CEP250: variants seen among roughly 807,000 people sequenced by gnomAD.
CEP250 encodes centrosomal protein 250.
Under a neutral mutation model 315.7 loss-of-function variants are expected in CEP250, and 242 were observed. The ratio of observed to expected loss-of-function variants is 0.77; its 90% confidence interval spans 0.69 to 0.85. The LOEUF (loss-of-function observed/expected upper bound fraction) is 0.85, where lower values mean the gene tolerates loss of function less well. Among genes scored for constraint, CEP250 ranks in the 40% least tolerant of loss-of-function variants. The pLI is 0.00. For missense variants in CEP250, 2,515 were observed against 2,886.4 expected (o/e 0.87, Z 2.95); for synonymous variants, 1,088 against 1,175.0 (o/e 0.93, Z 1.51).
chr20:35,485,064 TAAAAA>T, intron 20 of CEP250, among the ~76,000 whole-genome samples: 1 of 129,226 alleles, frequency 7.7e-6, no homozygotes, highest in African/African-American at 2.9e-5. Context: ...CCTATCTCTT[TAAAAA>T]AAAAAAAAAA....
At chr20:35,474,583 G>A (rs192941226) in intron 14 of CEP250, among the ~76,000 whole-genome samples, 1 of 152,190 alleles carries the variant, frequency 6.6e-6, no homozygotes, top group Non-Finnish European at 1.5e-5. Context: ...GCTGGCTAAA[G>A]GGTAAGACTT....
At chr20:35,479,523 A>T in intron 18 of CEP250, 99 bp downstream of exon 18, 1 of 1,542,656 alleles carries the variant, frequency 6.5e-7, no homozygotes, top group Non-Finnish European at 8.7e-7. Flanking sequence ...TCCTAAATTG[A>T]TTATGAATTT....
chr20:35,507,898 T>C (rs2064236599), intron 31 of CEP250, 47 bp downstream of exon 31: 2 of 1,601,036 alleles, frequency 1.2e-6, no homozygotes, highest in African/African-American at 2.7e-5. Flanking sequence ...AGGGAGCTCC[T>C]GTCCAGGGGT....
upstream of CEP250, chr20:35,455,214 G>C (rs542094904): frequency 1.3e-5 from 2 of 152,448 alleles, no homozygotes; most frequent in South Asian, 4.1e-4. Context: ...GCAACTAGCC[G>C]GGCGTCTGCG....
chr20:35,483,467 C>T (rs985840628), intron 20 of CEP250, among the ~76,000 whole-genome samples: 19 of 151,858 alleles, frequency 1.3e-4, no homozygotes, highest in African/African-American at 4.4e-4. Context: ...AGTCCTCCTG[C>T]CGCAGCCTCC....
At chr20:35,463,026 A>G (rs1407960876) in intron 4 of CEP250, among the ~76,000 whole-genome samples, 2 of 152,252 alleles carry the variant, frequency 1.3e-5, no homozygotes, top group Non-Finnish European at 2.9e-5. Flanking sequence ...CCTCTGTGAT[A>G]TAAAAGGCAT....
chr20:35,490,912 A>G (rs2063670079), intron 21 of CEP250, 108 bp downstream of exon 21: 2 of 1,331,834 alleles, frequency 1.5e-6, no homozygotes, highest in African/African-American at 2.9e-5. Context: ...CTTCCAGAAG[A>G]GAGGGTAGCT....
Position 35,512,962 on chromosome 20 carries a change from G to T in CEP250, c.*1336G>T. ...AGCCTGGGGATGGAACTGAGACCTA[G>T]CCAAGAATCTGGGAGGGGTAAGAGC... On this transcript the variant is annotated 3_prime_UTR_variant, in exon 35 of 35. Coordinates refer to ENST00000397527, the MANE Select transcript of CEP250 (RefSeq NM_007186.6). 1 of 152,402 alleles carries T rather than the reference G, an allele frequency of 6.6e-6. No individual in the cohort carries two copies. Among genetic ancestry groups the T allele is most frequent in the Non-Finnish European group, 1.5e-5 (1 of 68,116 alleles). 9.4% of individuals were successfully genotyped at this position (152,402 alleles called of 1,614,324 possible). A position where few individuals can be genotyped will look rare whatever the true frequency, so the allele number is the denominator to read the frequency against.
chr20:35,488,861 G>A (rs1232445539), intron 20 of CEP250, among the ~76,000 whole-genome samples: 4 of 152,142 alleles, frequency 2.6e-5, no homozygotes, highest in East Asian at 3.9e-4. Context: ...GGCTTTCCAG[G>A]TAGAAGGAAG....
intron 20 of CEP250, among the ~76,000 whole-genome samples, chr20:35,485,885 C>T (rs1199656392): frequency 7.5e-5 from 11 of 147,084 alleles, no homozygotes; most frequent in African/African-American, 2.8e-4. Context: ...TGGTCTTGAA[C>T]TCCTGGGCTC....
chr20:35,479,094 A>G, intron 17 of CEP250, 137 bp from the exon 18 acceptor site: 1 of 761,764 alleles, frequency 1.3e-6, no homozygotes, highest in Non-Finnish European at 2.1e-6. Context: ...GATAAATGCC[A>G]CGTGCTATTG....
chr20:35,517,022 G>C lies in CEP250; in HGVS notation c.*5396G>C. 1.0e-5 allele frequency: 10 copies of C among 985,538 alleles called. No homozygotes were observed. The highest frequency in any genetic ancestry group is 1.2e-5 in the Non-Finnish European group (10 of 830,020). 61.0% of individuals were successfully genotyped at this position (985,538 alleles called of 1,614,324 possible). On this transcript the variant is annotated 3_prime_UTR_variant, in exon 35 of 35. Transcript: ENST00000397527. ...AAGTGGCATGCTGACTCAGACACCG[G>C]GCACTGAGAAAAGTGGGAAGCCATG...
At chr20:35,479,948 A>G in intron 19 of CEP250, 28 bp from the exon 20 acceptor site, 3 of 1,610,138 alleles carry the variant, frequency 1.9e-6, no homozygotes, top group Non-Finnish European at 2.5e-6. Context: ...GAGGGGGCGG[A>G]GGCCTGATCC....
At position 35,517,396 on chromosome 20, in the gene CEP250, G is replaced by A. The variant is rs1277587748; in HGVS notation, c.*5770G>A. On this transcript the variant is annotated 3_prime_UTR_variant, in exon 35 of 35. Transcript: ENST00000397527. ...GCTGGCATGTTGTATATCTGAGAGA[G>A]GAGCTGCCTATTCACAGTGTAGGGT... The A allele has an allele frequency of 6.6e-6, 1 of 152,218 alleles. No homozygotes were observed. Among genetic ancestry groups the A allele is most frequent in the African/African-American group, 2.4e-5 (1 of 41,444 alleles). The allele number at this position is 152,218 out of a possible 1,614,324, so 9.4% of individuals were successfully genotyped here.
At chr20:35,464,212 C>T in intron 5 of CEP250, among the ~76,000 whole-genome samples, 1 of 152,170 alleles carries the variant, frequency 6.6e-6, no homozygotes, top group East Asian at 1.9e-4. Context: ...TATATGCATT[C>T]AGTATGTTCC....
At position 35,502,935 on chromosome 20, in the gene CEP250, C is replaced by T. The variant is rs376332581; in HGVS notation, c.4566C>T (p.Asn1522=). ...AGAAGGATCGGGAGACTCAGAGGAACGTCTTGGAGCATCAGCTTCTAGAAC... is the reference window on the plus strand; with the variant it reads ...AGAAGGATCGGGAGACTCAGAGGAATGTCTTGGAGCATCAGCTTCTAGAAC... The part of the protein sequence containing the change: ...ELEKDRETQR[N]VLEHQLLELE... The change falls in exon 30 of 35, where the codon AAC becomes AAT. Residue 1522 remains asparagine, a synonymous_variant. Coordinates refer to ENST00000397527, the MANE Select transcript of CEP250 (RefSeq NM_007186.6). 48 of 1,614,192 alleles carry T rather than the reference C, an allele frequency of 3.0e-5. 1 individual carries two copies. The Middle Eastern group carries it at 2.5e-3, about 83-fold the overall frequency.
intron 28 of CEP250, among the ~76,000 whole-genome samples, chr20:35,501,434 C>T (rs182008252): frequency 6.3e-4 from 96 of 152,224 alleles, no homozygotes; most frequent in African/African-American, 2.3e-3. Context: ...GGGATTCCAA[C>T]GCCTGTTGCA....
chr20:35,459,014 G>C (rs1361219939), intron 2 of CEP250, among the ~76,000 whole-genome samples: 1 of 103,002 alleles, frequency 9.7e-6, no homozygotes, highest in Non-Finnish European at 1.7e-5. Flanking sequence ...CCTTGCTCTT[G>C]TCGCCCAGGC....
chr20:35,491,253 G>A lies in CEP250; in HGVS notation c.2796G>A (p.Glu932=), dbSNP rs1213963998. Residue 932 remains glutamate (E), a synonymous_variant, in exon 22 of 35, where the codon GAG becomes GAA. Transcript: ENST00000397527. Reference sequence around the variant, plus strand: ...AGAAGGAGAGAGTATCCCTCCTGGAGACACTGCTGCAGACGCAGAAGGAGC... The same window carrying A: ...AGAAGGAGAGAGTATCCCTCCTGGAAACACTGCTGCAGACGCAGAAGGAGC... ...ETEKERVSLL[E]TLLQTQKELA... is the part of the protein sequence containing the mutation. The A allele has an allele frequency of 1.2e-6, 2 of 1,609,992 alleles. No homozygotes were observed. Among genetic ancestry groups the A allele is most frequent in the Admixed American group, 3.4e-5 (2 of 59,472 alleles).
Sources: gnomAD v4.1 joint callset for allele counts (sites outside exome capture counted in the v4.1 genomes callset) on GRCh38, gnomAD v4.1.1 for gene constraint, MANE v1.5 for transcripts, NCBI Gene and HGNC (gene_info 2026-07-23, HGNC 2026-07-21) for gene names.